Variants in LMAN2 observed in about 807,000 individuals in gnomAD.
The protein encoded by LMAN2 is vesicular integral-membrane protein VIP36.
In LMAN2, 22 loss-of-function variants were observed where a neutral mutation model predicts 39.3. The observed-to-expected ratio is 0.56, with a 90% CI of 0.40 to 0.80. The LOEUF (loss-of-function observed/expected upper bound fraction) is 0.80, where lower values mean the gene tolerates loss of function less well. Among genes scored for constraint, LMAN2 ranks in the 30% least tolerant of loss-of-function variants. LMAN2 has a pLI of 0.00. For missense variants in LMAN2, 494 were observed against 505.4 expected, an observed-to-expected ratio of 0.98 and a Z score of 0.22; for synonymous variants, 207 against 207.8, an observed-to-expected ratio of 1.00 and a Z score of 0.03.
Position 177,344,285 on chromosome 5 carries a change from T to C in LMAN2, c.316-5680A>G, listed in dbSNP as rs1223796331. ...TTAAAATGGTACGCTTTGTTACTTT[T>C]TTTTTTTTTTTTTTTTTTGAGACAG... On this transcript the variant is annotated intron_variant, in intron 2 of 7. Transcript: ENST00000303127. Among the ~76,000 whole-genome samples, 221 of 138,260 alleles carry C rather than the reference T, an allele frequency of 1.6e-3. 1 individual carries two copies. Among genetic ancestry groups the C allele is most frequent in the African/African-American group, 5.7e-3 (206 of 36,212 alleles). 90.7% of individuals were successfully genotyped at this position (138,260 alleles called of 152,430 possible).
In LMAN2 at chr5:177,332,676, C is replaced by T. The variant is rs922253571; in HGVS notation, c.911-430G>A. ...GGCTCTCCCAGCCCACAGCTGGATG[C>T]TCTCGGCAGCCCCCCAGGAGGGTCT... On this transcript the variant is annotated intron_variant, in intron 7 of 7. Coordinates refer to ENST00000303127, the MANE Select transcript of LMAN2 (RefSeq NM_006816.3). The surrounding 1 kb of genome is among the most constrained non-coding windows in gnomAD (Gnocchi z 6.3). 4.6e-5 allele frequency among the ~76,000 whole-genome samples: 7 copies of T among 152,158 alleles called. No homozygotes were observed. Among genetic ancestry groups the T allele is most frequent in the African/African-American group, 7.2e-5 (3 of 41,438 alleles).
At chr5:177,345,748 T>TGC (rs1265151593) in intron 2 of LMAN2, among the ~76,000 whole-genome samples, 4 of 148,352 alleles carry the variant, frequency 2.7e-5, no homozygotes, top group African/African-American at 5.0e-5. Flanking sequence ...TTTATTTATT[T>TGC]ATTTATTTAT....
In LMAN2 at chr5:177,337,856, C is replaced by A; in HGVS notation, c.434-71G>T. ...GTCCCATGGGTACCTAAAAGGCAAGCAATGCCAACATGGGTGGGGGCAAGA... is the reference window on the plus strand; with the variant it reads ...GTCCCATGGGTACCTAAAAGGCAAGAAATGCCAACATGGGTGGGGGCAAGA... On this transcript the variant is annotated intron_variant, in intron 3 of 7. Coordinates refer to ENST00000303127, the MANE Select transcript of LMAN2 (RefSeq NM_006816.3). This position sits in a 1 kb window ranked among gnomAD's most constrained non-coding sequence, Gnocchi z 8.2. 1.5e-6 allele frequency: 2 copies of A among 1,374,646 alleles called. No homozygotes were observed. The highest frequency in any genetic ancestry group is 2.0e-6 in the Non-Finnish European group (2 of 976,730). The allele number at this position is 1,374,646 out of a possible 1,614,324, so 85.2% of individuals were successfully genotyped here.
At chr5:177,341,382 T>C (rs558273607) in intron 2 of LMAN2, among the ~76,000 whole-genome samples, 179 of 151,978 alleles carry the variant, frequency 1.2e-3, no homozygotes, top group Non-Finnish European at 2.3e-3. Context: ...AAAATAATAA[T>C]CTTAAAGAAA....
chr5:177,350,422 T>C (rs954053522), intron 2 of LMAN2, among the ~76,000 whole-genome samples: 1 of 152,182 alleles, frequency 6.6e-6, no homozygotes, highest in African/African-American at 2.4e-5. Flanking sequence ...GGATTCTGTG[T>C]AGCAGCTGTC....
intron 2 of LMAN2, among the ~76,000 whole-genome samples, chr5:177,339,922 A>T (rs897797901): frequency 2.6e-5 from 4 of 152,226 alleles, no homozygotes; most frequent in African/African-American, 9.7e-5. Context: ...GGGCACCAGG[A>T]ACCCAGATAA....
chr5:177,336,003 G>A (rs1345168537), intron 6 of LMAN2, among the ~76,000 whole-genome samples: 1 of 152,246 alleles, frequency 6.6e-6, no homozygotes, highest in Non-Finnish European at 1.5e-5. Flanking sequence ...CTGAGCACCT[G>A]CCCTGGGCCA....
chr5:177,334,806 G>A (rs774983531), intron 6 of LMAN2, among the ~76,000 whole-genome samples: 2 of 152,198 alleles, frequency 1.3e-5, no homozygotes, highest in Admixed American at 6.5e-5. Context: ...AAACAGACCC[G>A]GGAAAGACCA....
intron 2 of LMAN2, among the ~76,000 whole-genome samples, chr5:177,342,056 G>C (rs889688337): frequency 5.3e-5 from 8 of 152,064 alleles, no homozygotes; most frequent in Admixed American, 1.3e-4. Flanking sequence ...TATAGAGTAA[G>C]ATAGCAGATT....
intron 6 of LMAN2, among the ~76,000 whole-genome samples, chr5:177,335,942 C>T (rs1215285859): frequency 1.3e-5 from 2 of 152,208 alleles, no homozygotes; most frequent in African/African-American, 2.4e-5. Flanking sequence ...AGGGCCACCA[C>T]GGCCTGGTGA....
At position 177,346,312 on chromosome 5, in the gene LMAN2, A is replaced by G. The variant is rs1451267104; in HGVS notation, c.315+4861T>C. The stretch of plus-strand genomic sequence containing the variant: ...TTCTAACACACGGGATCGTTTCCAG[A>G]TGAGAATCCACAAGTGGCTCACTGA... On this transcript the variant is annotated intron_variant, in intron 2 of 7. Coordinates refer to ENST00000303127, the MANE Select transcript of LMAN2 (RefSeq NM_006816.3). 4 of 343,408 alleles carry G rather than the reference A, an allele frequency of 1.2e-5. 1 individual carries two copies. The highest frequency in any genetic ancestry group is 1.1e-4 in the Admixed American group (3 of 27,368). The allele number at this position is 343,408 out of a possible 1,614,324, so 21.3% of individuals were successfully genotyped here.
At chr5:177,335,630 A>G (rs1215714493) in intron 6 of LMAN2, among the ~76,000 whole-genome samples, 1 of 152,076 alleles carries the variant, frequency 6.6e-6, no homozygotes, top group Non-Finnish European at 1.5e-5. Context: ...GCCAGGCGCG[A>G]GCTGGAAATG....
intron 2 of LMAN2, among the ~76,000 whole-genome samples, chr5:177,343,104 A>C (rs1047310560): frequency 6.6e-6 from 1 of 152,236 alleles, no homozygotes; most frequent in Admixed American, 6.5e-5. Flanking sequence ...ATATTAAAAA[A>C]ATTAACTGGG....
At chr5:177,347,821 C>T (rs779091442) in intron 2 of LMAN2, among the ~76,000 whole-genome samples, 2 of 152,130 alleles carry the variant, frequency 1.3e-5, no homozygotes, top group Non-Finnish European at 2.9e-5. Flanking sequence ...TGCTGCTCTA[C>T]CAAAACTCCC....
Position 177,337,907 on chromosome 5 carries a change from G to T in LMAN2, c.434-122C>A. 3.9e-6 allele frequency: 3 copies of T among 763,422 alleles called. No homozygotes were observed. The highest frequency in any genetic ancestry group is 6.6e-6 in the Non-Finnish European group (3 of 451,516). 47.3% of individuals were successfully genotyped at this position (763,422 alleles called of 1,614,324 possible). On this transcript the variant is annotated intron_variant, in intron 3 of 7. Coordinates refer to ENST00000303127, the MANE Select transcript of LMAN2 (RefSeq NM_006816.3). This position sits in a 1 kb window ranked among gnomAD's most constrained non-coding sequence, Gnocchi z 8.2. ...GAGCCCAACCCACTGGCCATTCACC[G>T]AGAGAGAAGGGATCGTGAAAGGAGA...
chr5:177,334,208 G>C (rs1471252951), intron 7 of LMAN2, 76 bp downstream of exon 7: 2 of 1,525,600 alleles, frequency 1.3e-6, no homozygotes, highest in South Asian at 1.3e-5. Context: ...TGGACCACAA[G>C]ACCCGCCAGG....
In LMAN2 at chr5:177,334,334, A is replaced by G; in HGVS notation, c.860T>C (p.Ile287Thr). ...MVEHTPDEES[I>T]DWTKIEPSVN... ...GCTGGGCTCGATCTTGGTCCAGTCG[A>G]TGCTCTCCTCGTCGGGCGTGTGCTC... The change falls in exon 7 of 8, where the codon ATC (isoleucine) becomes ACC (threonine). Residue 287 changes from isoleucine to threonine, a missense_variant. By Grantham distance (89) the Ile-to-Thr change is moderately conservative. Coordinates refer to ENST00000303127, the MANE Select transcript of LMAN2 (RefSeq NM_006816.3). 1.2e-6 allele frequency: 2 copies of G among 1,613,214 alleles called. No individual in the cohort carries two copies. The highest frequency in any genetic ancestry group is 1.7e-6 in the Non-Finnish European group (2 of 1,179,878).
intron 7 of LMAN2, among the ~76,000 whole-genome samples, chr5:177,333,687 A>G (rs1761425121): frequency 6.6e-6 from 1 of 152,228 alleles, no homozygotes; most frequent in Non-Finnish European, 1.5e-5. Context: ...ACTTCTCCAC[A>G]CACAGATGCC....
In LMAN2 at chr5:177,334,400, T is replaced by C. The variant is rs1410071617; in HGVS notation, c.794A>G (p.Asn265Ser). The C allele has an allele frequency of 1.2e-6, 2 of 1,612,772 alleles. No homozygotes were observed. Among genetic ancestry groups the C allele is most frequent in the South Asian group, 1.1e-5 (1 of 91,060 alleles). ...CAGCTTCATGGAGATGATGTCATGA[T>C]TGTCTGCAGGACCAAGAATAAACCT... ...ASAGTGDLSD[N>S]HDIISMKLFQ... The change falls in exon 7 of 8, where the codon AAT becomes AGT. Residue 265 changes from asparagine to serine, a missense_variant. By Grantham distance (46) the Asn-to-Ser change is conservative (BLOSUM62 1). Transcript: ENST00000303127.
Sources: allele counts gnomAD v4.1 joint callset (sites outside exome capture counted in the v4.1 genomes callset), GRCh38; gene constraint gnomAD v4.1.1; non-coding constraint Gnocchi (gnomAD v3.1); transcripts MANE v1.5; gene names NCBI Gene and HGNC (gene_info 2026-07-23, HGNC 2026-07-21).